NCKAP5: variants seen among roughly 807,000 people sequenced by gnomAD.
The protein encoded by NCKAP5 is nck-associated protein 5.
NCKAP5 carries 92 observed loss-of-function variants against 167.0 expected under a neutral mutation model. The observed-to-expected ratio is 0.55, with a 90% confidence interval of 0.47 to 0.66. The LOEUF is 0.66. Ranked by LOEUF, NCKAP5 falls within the 30% of genes least tolerant of loss-of-function variation. NCKAP5 has a pLI of 0.00. For missense variants in NCKAP5, 2,378 were observed against 2,315.0 expected, an observed-to-expected ratio of 1.03 and a Z score of -0.56; for synonymous variants, 891 against 877.4, an observed-to-expected ratio of 1.02 and a Z score of -0.27.
At chr2:133,535,520 T>A (rs1323947339) in intron 2 of NCKAP5, among the ~76,000 whole-genome samples, 1 of 152,172 alleles carries the variant, frequency 6.6e-6, no homozygotes, top group Non-Finnish European at 1.5e-5. Context: ...TGTGTGTACA[T>A]ATGTGAATAT....
At chr2:133,157,474 T>C (rs2083618172) in intron 5 of NCKAP5, among the ~76,000 whole-genome samples, 1 of 152,250 alleles carries the variant, frequency 6.6e-6, no homozygotes, top group Admixed American at 6.5e-5. Context: ...TATATTTAGC[T>C]AATCTTATTG....
intron 8 of NCKAP5, among the ~76,000 whole-genome samples, chr2:132,900,193 T>C (rs992951638): frequency 6.6e-6 from 1 of 152,082 alleles, no homozygotes; most frequent in African/African-American, 2.4e-5. Context: ...GCTGTAATAA[T>C]AATGAAAATG....
At chr2:133,403,281 A>G (rs1688214438) in intron 3 of NCKAP5, among the ~76,000 whole-genome samples, 1 of 152,258 alleles carries the variant, frequency 6.6e-6, no homozygotes, top group Non-Finnish European at 1.5e-5. Flanking sequence ...TCATGCACCA[A>G]TGATGATTAG....
chr2:133,151,250 C>A (rs916543241), intron 5 of NCKAP5, among the ~76,000 whole-genome samples: 1 of 151,940 alleles, frequency 6.6e-6, no homozygotes, highest in Non-Finnish European at 1.5e-5. Context: ...TTTTTAGATA[C>A]AACACCAAAA....
At chr2:132,956,157 T>C (rs1049029560) in intron 8 of NCKAP5, among the ~76,000 whole-genome samples, 3 of 152,248 alleles carry the variant, frequency 2.0e-5, no homozygotes, top group African/African-American at 7.2e-5. Flanking sequence ...ATGTAATTAT[T>C]ACATGTTGTA....
In NCKAP5 at chr2:132,782,597, C is replaced by T. The variant is rs751932574; in HGVS notation, c.4214G>A (p.Gly1405Glu). 3 of 1,587,960 alleles carry T rather than the reference C, an allele frequency of 1.9e-6. No individual in the cohort carries two copies. In the South Asian group the frequency reaches 3.5e-5, roughly 19 times the overall value. Residue 1405 changes from glycine to glutamate, a missense_variant, in exon 14 of 20, where the codon GGG becomes GAG. By Grantham distance (98) the Gly-to-Glu change is moderately conservative. This residue lies in a region of NCKAP5 where 1,325 missense variants were observed against 1,274.5 expected (regional missense o/e 1.04). Transcript: ENST00000409261. ...ACTGCGGCGGTCACTGCCTGGTTCC[C>T]CAAGTACAGCCACATTGGCACTGGG... ...ECPSANVAVL[G>E]EPGSDRRSCP...
chr2:133,585,670 C>T, the NCKAP5 span, among the ~76,000 whole-genome samples: 1 of 152,160 alleles, frequency 6.6e-6, no homozygotes, highest in Non-Finnish European at 1.5e-5. Flanking sequence ...AGACATGTGT[C>T]AGTCACTTTA....
intron 6 of NCKAP5, among the ~76,000 whole-genome samples, chr2:133,041,140 G>C (rs954799023): frequency 2.0e-5 from 3 of 152,122 alleles, no homozygotes; most frequent in Admixed American, 6.6e-5. Flanking sequence ...ATTCCACATG[G>C]GGTGACAGTG....
At chr2:133,280,822 C>T (rs2089909979) in intron 4 of NCKAP5, among the ~76,000 whole-genome samples, 1 of 152,132 alleles carries the variant, frequency 6.6e-6, no homozygotes, top group Admixed American at 6.6e-5. Context: ...GCTAAGATTA[C>T]AAAATTGAGC....
intron 5 of NCKAP5, among the ~76,000 whole-genome samples, chr2:133,176,090 G>C (rs142772830): frequency 6.6e-6 from 1 of 152,130 alleles, no homozygotes; most frequent in Non-Finnish European, 1.5e-5. Context: ...AGTGGAGACC[G>C]CATATCCAGC....
At chr2:132,941,539 T>G (rs996932583) in intron 8 of NCKAP5, among the ~76,000 whole-genome samples, 35 of 152,162 alleles carry the variant, frequency 2.3e-4, no homozygotes, top group Non-Finnish European at 4.7e-4. Flanking sequence ...TGTTCCTAGG[T>G]GACCCTTTTT....
At chr2:132,940,921 C>T (rs934347544) in intron 8 of NCKAP5, among the ~76,000 whole-genome samples, 1 of 151,732 alleles carries the variant, frequency 6.6e-6, no homozygotes, top group Non-Finnish European at 1.5e-5. Context: ...TATACTGATA[C>T]ATATATTTAT....
intron 11 of NCKAP5, among the ~76,000 whole-genome samples, chr2:132,809,239 T>G (rs1021148844): frequency 6.6e-6 from 1 of 152,152 alleles, no homozygotes; most frequent in Admixed American, 6.5e-5. Context: ...GAATGTGTAT[T>G]CTGCGGTTGT....
At chr2:133,337,239 CTGAACTTCT>C (rs1683275336) in intron 3 of NCKAP5, among the ~76,000 whole-genome samples, 1 of 152,196 alleles carries the variant, frequency 6.6e-6, no homozygotes, top group Admixed American at 6.5e-5. Context: ...TATTGTGTAG[CTGAACTTCT>C]TGAACTTCCT....
At chr2:133,352,437 G>A (rs1015354893) in intron 3 of NCKAP5, among the ~76,000 whole-genome samples, 2 of 152,214 alleles carry the variant, frequency 1.3e-5, no homozygotes, top group African/African-American at 4.8e-5. Context: ...ATTGCTCTCA[G>A]GGCAAGAGCT....
chr2:133,307,893 A>AT (rs1171291931), intron 3 of NCKAP5, among the ~76,000 whole-genome samples: 2 of 152,092 alleles, frequency 1.3e-5, no homozygotes, highest in Non-Finnish European at 2.9e-5. Context: ...AAGGAGGTTC[A>AT]TCCCCCCAAA....
intron 3 of NCKAP5, among the ~76,000 whole-genome samples, chr2:133,314,423 G>T (rs1240677587): frequency 2.6e-5 from 4 of 152,106 alleles, no homozygotes; most frequent in Non-Finnish European, 5.9e-5. Context: ...TGATTCAGTG[G>T]GCATGCAATG....
At chr2:132,794,623 G>A (rs1684422980) in intron 12 of NCKAP5, among the ~76,000 whole-genome samples, 1 of 146,550 alleles carries the variant, frequency 6.8e-6, no homozygotes, top group Non-Finnish European at 1.5e-5. Flanking sequence ...GCAACAGAGT[G>A]AGACTTCATC....
chr2:133,049,546 A>C (rs2079533267), intron 6 of NCKAP5, among the ~76,000 whole-genome samples: 1 of 43,816 alleles, frequency 2.3e-5, no homozygotes, highest in East Asian at 1.8e-3. Flanking sequence ...CTCTGTCTCA[A>C]AAAAAAAAAA....
Sources: allele counts gnomAD v4.1 joint callset (sites outside exome capture counted in the v4.1 genomes callset), GRCh38; gene constraint gnomAD v4.1.1; regional missense constraint gnomAD v4.1.1; transcripts MANE v1.5; gene names NCBI Gene and HGNC (gene_info 2026-07-23, HGNC 2026-07-21).